The following PRG4 variants were observed in gnomAD, a reference collection of about 807,000 sequenced individuals.
PRG4 encodes articular superficial zone protein.
Under a neutral mutation model 91.2 loss-of-function variants are expected in PRG4, and 61 were observed. The ratio of observed to expected loss-of-function variants is 0.67; its 90% CI spans 0.54 to 0.83. The LOEUF (loss-of-function observed/expected upper bound fraction) is 0.83, where lower values mean the gene tolerates loss of function less well. PRG4 is among the 40% of genes least tolerant of loss of function. The pLI is 0.00. For synonymous variants in PRG4, 576 were observed against 614.2 expected, an observed-to-expected ratio of 0.94 and a Z score of 0.92; for missense variants, 1,564 against 1,714.2, an observed-to-expected ratio of 0.91 and a Z score of 1.55.
rs529791040 is a variant in PRG4 at position 186,296,887 on chromosome 1, A to G, written c.12A>G (p.Lys4=). ...ACCTGAAAACAACGATGGCATGGAAAACACTTCCCATTTACCTGTTGTTGC... is the reference window on the plus strand; with the variant it reads ...ACCTGAAAACAACGATGGCATGGAAGACACTTCCCATTTACCTGTTGTTGC... MAW[K]TLPIYLLLLL... Residue 4 remains lysine, a synonymous_variant, in exon 2 of 13, where the codon AAA becomes AAG. Coordinates refer to ENST00000445192, the MANE Select transcript of PRG4 (RefSeq NM_005807.6). 9.9e-6 allele frequency: 16 copies of G among 1,613,940 alleles called. No homozygotes were observed. Among genetic ancestry groups the G allele is most frequent in the Middle Eastern group, 1.7e-4 (1 of 6,058 alleles).
At chr1:186,305,038 T>C (rs1286969472) in intron 6 of PRG4, 116 bp downstream of exon 6, 1 of 1,151,792 alleles carries the variant, frequency 8.7e-7, no homozygotes, top group East Asian at 2.6e-5. Context: ...GGAATATAAC[T>C]TTATGAATAT....
Position 186,311,093 on chromosome 1 carries a change from G to A in PRG4, c.3559G>A (p.Glu1187Lys). ...ACCATCTCCAGCTCGCAGAATTACTGAAGTTTGGGGTATTCCTTCCCCCAT... is the reference window on the plus strand; with the variant it reads ...ACCATCTCCAGCTCGCAGAATTACTAAAGTTTGGGGTATTCCTTCCCCCAT... ...SPPSPARRIT[E>K]VWGIPSPIDT... is the part of the protein sequence containing the mutation. Residue 1187 changes from glutamate to lysine, a missense_variant, in exon 9 of 13, where the codon GAA (glutamate) becomes AAA (lysine). Coordinates refer to ENST00000445192, the MANE Select transcript of PRG4 (RefSeq NM_005807.6). 6.2e-7 allele frequency: 1 copy of A among 1,613,652 alleles called. No homozygotes were observed.
At position 186,309,786 on chromosome 1, in the gene PRG4, T is replaced by C. The variant is rs1405965548; in HGVS notation, c.3422-7T>C. ...TATATTTGTTTTGTTTTTGTTAATT[T>C]GTTTAGATGAGACCAATATATGCAA... On this transcript the variant is annotated splice_region_variant and splice_polypyrimidine_tract_variant and intron_variant, in intron 7 of 12. Coordinates refer to ENST00000445192, the MANE Select transcript of PRG4 (RefSeq NM_005807.6). 1 of 1,605,842 alleles carries C rather than the reference T, an allele frequency of 6.2e-7. No individual in the cohort carries two copies. Among genetic ancestry groups the C allele is most frequent in the Non-Finnish European group, 8.5e-7 (1 of 1,172,658 alleles).
At position 186,300,151 on chromosome 1, in the gene PRG4, G is replaced by C. The variant is rs1483552223; in HGVS notation, c.137G>C (p.Cys46Ser). ...EGYSRDATCN[C>S]DYNCQHYMEC... Reference sequence around the variant, plus strand: ...TATTCTAGAGATGCCACCTGCAACTGTGATTATAACTGTCAACACTACATG... The same window carrying C: ...TATTCTAGAGATGCCACCTGCAACTCTGATTATAACTGTCAACACTACATG... Residue 46 changes from cysteine to serine, a missense_variant, in exon 3 of 13, where the codon TGT becomes TCT. Coordinates refer to ENST00000445192, the MANE Select transcript of PRG4 (RefSeq NM_005807.6). 1.9e-6 allele frequency: 3 copies of C among 1,614,026 alleles called. No individual in the cohort carries two copies. Among genetic ancestry groups the C allele is most frequent in the Admixed American group, 3.3e-5 (2 of 60,004 alleles).
chr1:186,304,437 C>T (rs369580095), intron 5 of PRG4, among the ~76,000 whole-genome samples, 180 bp downstream of exon 5: 1 of 152,296 alleles, frequency 6.6e-6, no homozygotes. Context: ...AAACTCTCAG[C>T]TCTTTCTGTA....
At chr1:186,298,534 A>C (rs1038984507) in intron 2 of PRG4, among the ~76,000 whole-genome samples, 6 of 150,452 alleles carry the variant, frequency 4.0e-5, no homozygotes, top group Non-Finnish European at 7.4e-5. Context: ...TTTGTCTCCC[A>C]GTCTGGAGTG....
Position 186,308,824 on chromosome 1 carries a change from A to G in PRG4, c.3105A>G (p.Lys1035=), listed in dbSNP as rs1656947901. Residue 1035 remains lysine, a synonymous_variant, in exon 7 of 13, where the codon AAA becomes AAG. Coordinates refer to ENST00000445192, the MANE Select transcript of PRG4 (RefSeq NM_005807.6). The part of the protein sequence containing the change: ...TKAPKKPTST[K]KPKTMPRVRK... ...CACCCAAAAAACCCACTTCTACCAAAAAGCCAAAAACAATGCCTAGAGTGA... is the reference window on the plus strand; with the variant it reads ...CACCCAAAAAACCCACTTCTACCAAGAAGCCAAAAACAATGCCTAGAGTGA... 9.9e-6 allele frequency: 16 copies of G among 1,613,952 alleles called. No individual in the cohort carries two copies. The highest frequency in any genetic ancestry group is 1.4e-5 in the Non-Finnish European group (16 of 1,180,014).
Position 186,312,430 on chromosome 1 carries a change from C to A in PRG4, c.3991+58C>A, listed in dbSNP as rs1413187150. 7.0e-5 allele frequency: 102 copies of A among 1,453,798 alleles called. 2 individuals are homozygous for A. Among genetic ancestry groups the A allele is most frequent in the South Asian group, 4.0e-4 (31 of 78,036 alleles). 90.1% of individuals were successfully genotyped at this position (1,453,798 alleles called of 1,614,324 possible). On this transcript the variant is annotated intron_variant, in intron 11 of 12. Transcript: ENST00000445192. ...AACATAAGTAGATGTAATACAGTTT[C>A]TTATACAGTAAGGCTTATGAAATAT...
At chr1:186,312,929 A>T in intron 12 of PRG4, 35 bp downstream of exon 12, 1 of 1,589,226 alleles carries the variant, frequency 6.3e-7, no homozygotes, top group Non-Finnish European at 8.6e-7. Context: ...CAAGGAGGTG[A>T]TATCATTTGT....
Position 186,296,965 on chromosome 1 carries a change from C to A in PRG4, c.76+14C>A. On this transcript the variant is annotated intron_variant, in intron 2 of 12. Coordinates refer to ENST00000445192, the MANE Select transcript of PRG4 (RefSeq NM_005807.6). ...TTTCATCTCAAGGTAGCTTAACCAT[C>A]GAACATACTTTTATTTAACAACTAT... The A allele has an allele frequency of 8.1e-6, 13 of 1,600,388 alleles. No homozygotes were observed. The highest frequency in any genetic ancestry group is 1.1e-5 in the Non-Finnish European group (13 of 1,167,688).
At chr1:186,304,364 A>G in intron 5 of PRG4, 107 bp downstream of exon 5, 1 of 1,304,410 alleles carries the variant, frequency 7.7e-7, no homozygotes. Context: ...CTTAGGAATC[A>G]TGAGCCTCAT....
At chr1:186,298,638 C>T (rs927550901) in intron 2 of PRG4, among the ~76,000 whole-genome samples, 1 of 151,810 alleles carries the variant, frequency 6.6e-6, no homozygotes, top group African/African-American at 2.4e-5. Context: ...TTACAGGCCC[C>T]TGCCACCATG....
chr1:186,310,169 A>C (rs908360041), intron 8 of PRG4, among the ~76,000 whole-genome samples: 5 of 151,976 alleles, frequency 3.3e-5, no homozygotes, highest in African/African-American at 1.2e-4. Context: ...TAAAAAATAA[A>C]ATAAAATTTT....
Position 186,314,103 on chromosome 1 carries a change from T to C in PRG4, c.*325T>C. 1.5e-6 allele frequency: 2 copies of C among 1,342,672 alleles called. No individual in the cohort carries two copies. The highest frequency in any genetic ancestry group is 2.1e-6 in the Non-Finnish European group (2 of 964,724). 83.2% of individuals were successfully genotyped at this position (1,342,672 alleles called of 1,614,324 possible). ...TAGTGTATTCACTTACCCTAGTTCA[T>C]TATAAAAAATATCTAGGCATTGTGG... On this transcript the variant is annotated 3_prime_UTR_variant, in exon 13 of 13. Transcript: ENST00000445192.
chr1:186,305,050 A>C, intron 6 of PRG4, 128 bp downstream of exon 6: 1 of 1,091,236 alleles, frequency 9.2e-7, no homozygotes, highest in Non-Finnish European at 1.3e-6. Context: ...TATGAATATT[A>C]TCTTAGAAAG....
intron 8 of PRG4, among the ~76,000 whole-genome samples, chr1:186,310,751 C>T (rs534948108): frequency 6.6e-6 from 1 of 151,950 alleles, no homozygotes; most frequent in Admixed American, 6.5e-5. Context: ...ATCTACCCGC[C>T]TTAACCTCCC....
At position 186,308,697 on chromosome 1, in the gene PRG4, C is replaced by T. The variant is rs1037888466; in HGVS notation, c.2978C>T (p.Thr993Ile). ...PKVTTTKKTI[T>I]TTEIMNKPEE... ...GTAACTACAACAAAAAAGACAATTA[C>T]TACCACTGAGATTATGAACAAACCT... Residue 993 changes from threonine (T) to isoleucine (I), a missense_variant, in exon 7 of 13, where the codon ACT becomes ATT. Physicochemically the swap from Thr to Ile is moderately conservative, Grantham distance 89. This residue lies in a region of PRG4 where 1,079 missense variants were observed against 1,162.2 expected (regional missense o/e 0.93). Transcript: ENST00000445192. The T allele has an allele frequency of 1.9e-6, 3 of 1,612,572 alleles. No individual in the cohort carries two copies. The highest frequency in any genetic ancestry group is 2.5e-6 in the Non-Finnish European group (3 of 1,179,750).
intron 2 of PRG4, among the ~76,000 whole-genome samples, chr1:186,299,819 C>T (rs568608289): frequency 2.6e-4 from 39 of 152,312 alleles, no homozygotes; most frequent in African/African-American, 9.1e-4. Flanking sequence ...CCACCTCTTC[C>T]TTAGGAGTAT....
At position 186,312,874 on chromosome 1, in the gene PRG4, A is replaced by G; in HGVS notation, c.4097A>G (p.Asp1366Gly). 6.2e-7 allele frequency: 1 copy of G among 1,612,640 alleles called. No homozygotes were observed. Among genetic ancestry groups the G allele is most frequent in the Non-Finnish European group, 8.5e-7 (1 of 1,178,660 alleles). The part of the protein sequence containing the change: ...LPNIRKPDGY[D>G]YYAFSKDQYY... ...AACATCAGAAAACCTGACGGCTATG[A>G]TTACTATGCCTTTTCTAAAGGTAAG... Residue 1366 changes from aspartate (D) to glycine (G), a missense_variant, in exon 12 of 13, where the codon GAT (aspartate) becomes GGT (glycine). By Grantham distance (94) the Asp-to-Gly change is moderately conservative. This residue lies in a region of PRG4 where 1,079 missense variants were observed against 1,162.2 expected (regional missense o/e 0.93). Transcript: ENST00000445192.
Sources: gnomAD v4.1 joint callset for allele counts (sites outside exome capture counted in the v4.1 genomes callset) on GRCh38, gnomAD v4.1.1 for gene constraint, gnomAD v4.1.1 regional missense constraint, MANE v1.5 for transcripts, NCBI Gene and HGNC (gene_info 2026-07-23, HGNC 2026-07-21) for gene names.